The following CNTNAP5 variants were observed in gnomAD, a reference collection of about 807,000 sequenced individuals.
The protein encoded by CNTNAP5 is contactin associated protein family member 5.
A neutral mutation model predicts 150.2 loss-of-function variants in CNTNAP5; 72 were observed. The ratio of observed to expected loss-of-function variants is 0.48; its 90% confidence interval spans 0.40 to 0.58. CNTNAP5 has a LOEUF of 0.58. Among genes scored for constraint, CNTNAP5 ranks in the 20% least tolerant of loss-of-function variants. CNTNAP5 has a pLI of 0.00. For synonymous variants in CNTNAP5, 672 were observed against 619.8 expected (o/e 1.08, Z -1.25); for missense variants, 1,636 against 1,626.2 (o/e 1.01, Z -0.10).
chr2:124,682,622 TCG>T (rs1679093694), intron 13 of CNTNAP5, among the ~76,000 whole-genome samples: 1 of 152,202 alleles, frequency 6.6e-6, no homozygotes, highest in African/African-American at 2.4e-5. Context: ...GTAGTTTCTC[TCG>T]GGTAGACAAT....
rs1009105612 is a variant in CNTNAP5 at position 124,366,903 on chromosome 2, A to G, written c.382-50540A>G. ...GAGGTTCTCTTCTGCTGAGAGAGCA[A>G]TGTCCAGAGAGAGGCTCAGCAGAAG... is the stretch of plus-strand genomic sequence containing the variant. On this transcript the variant is annotated intron_variant, in intron 3 of 23. Coordinates refer to ENST00000682447, the MANE Select transcript of CNTNAP5 (RefSeq NM_001367498.1). Among the ~76,000 whole-genome samples the G allele has an allele frequency of 1.1e-4, 17 of 152,216 alleles. No individual in the cohort carries two copies. The South Asian group carries it at 1.9e-3, about 17-fold the overall frequency.
chr2:124,449,952 G>A (rs1193808024), intron 6 of CNTNAP5, among the ~76,000 whole-genome samples: 1 of 152,100 alleles, frequency 6.6e-6, no homozygotes, highest in Admixed American at 6.5e-5. Context: ...CTAACTGGCT[G>A]TGTAAACCTG....
chr2:124,805,463 T>G (rs1682062485), intron 19 of CNTNAP5, among the ~76,000 whole-genome samples: 1 of 152,174 alleles, frequency 6.6e-6, no homozygotes, highest in East Asian at 1.9e-4. Context: ...ACTCCCCACC[T>G]CAACCCCAAC....
intron 22 of CNTNAP5, among the ~76,000 whole-genome samples, chr2:124,904,349 C>A (rs925224131): frequency 6.6e-6 from 1 of 151,998 alleles, no homozygotes; most frequent in Non-Finnish European, 1.5e-5. Context: ...TGTGTATATG[C>A]CACAATATCT....
intron 2 of CNTNAP5, among the ~76,000 whole-genome samples, chr2:124,227,009 A>T (rs1448411845): frequency 3.3e-5 from 5 of 152,090 alleles, no homozygotes; most frequent in Non-Finnish European, 7.4e-5. Context: ...CTAATCAATC[A>T]TCTGTTACGG....
At chr2:124,245,926 T>C (rs917343374) in intron 3 of CNTNAP5, among the ~76,000 whole-genome samples, 76 of 151,898 alleles carry the variant, frequency 5.0e-4, no homozygotes, top group African/African-American at 1.8e-3. Flanking sequence ...AACTTTCTTC[T>C]TAGAGATGGG....
chr2:124,482,072 C>A (rs749169197), intron 7 of CNTNAP5, among the ~76,000 whole-genome samples: 2 of 152,196 alleles, frequency 1.3e-5, no homozygotes, highest in African/African-American at 2.4e-5. Context: ...GTTGAAACGA[C>A]CTCAGATGTG....
At chr2:124,481,499 A>G (rs902801172) in intron 7 of CNTNAP5, among the ~76,000 whole-genome samples, 1 of 152,214 alleles carries the variant, frequency 6.6e-6, no homozygotes, top group Non-Finnish European at 1.5e-5. Flanking sequence ...TGTTTTAAAA[A>G]TATTTCTATA....
intron 18 of CNTNAP5, among the ~76,000 whole-genome samples, chr2:124,791,966 T>C (rs1450833882): frequency 6.6e-6 from 1 of 152,130 alleles, no homozygotes; most frequent in Non-Finnish European, 1.5e-5. Flanking sequence ...AAGATGGCCT[T>C]TTTAGTCACA....
intron 19 of CNTNAP5, among the ~76,000 whole-genome samples, chr2:124,850,407 A>T (rs1288556686): frequency 7.2e-5 from 11 of 152,330 alleles, no homozygotes; most frequent in South Asian, 6.2e-4. Context: ...GAAGAGGGCC[A>T]TGTGACATGA....
chr2:124,050,741 CT>C (rs1211931151), intron 1 of CNTNAP5, among the ~76,000 whole-genome samples: 2 of 152,232 alleles, frequency 1.3e-5, no homozygotes, highest in African/African-American at 4.8e-5. Flanking sequence ...TAGCTTTGTA[CT>C]TTGATGAAGA....
intron 1 of CNTNAP5, among the ~76,000 whole-genome samples, chr2:124,139,664 G>C (rs886670598): frequency 6.6e-6 from 1 of 152,080 alleles, no homozygotes; most frequent in Non-Finnish European, 1.5e-5. Context: ...CCTTCCTTCG[G>C]TCTCTCATTA....
intron 19 of CNTNAP5, among the ~76,000 whole-genome samples, chr2:124,838,730 C>A (rs1682881728): frequency 6.6e-6 from 1 of 152,118 alleles, no homozygotes; most frequent in Admixed American, 6.6e-5. Context: ...GGTTTGCCAA[C>A]TGTAGCAAAT....
intron 13 of CNTNAP5, among the ~76,000 whole-genome samples, chr2:124,740,716 A>T (rs1307855251): frequency 6.6e-6 from 1 of 152,206 alleles, no homozygotes; most frequent in African/African-American, 2.4e-5. Context: ...CTATATAACC[A>T]GTTGCCAAAG....
chr2:124,425,281 C>T (rs1239335762), intron 4 of CNTNAP5, among the ~76,000 whole-genome samples: 1 of 152,174 alleles, frequency 6.6e-6, no homozygotes, highest in Non-Finnish European at 1.5e-5. Context: ...AACAGGTCAA[C>T]TACCGTAAGG....
intron 2 of CNTNAP5, among the ~76,000 whole-genome samples, chr2:124,240,368 G>A (rs994257203): frequency 6.6e-6 from 1 of 152,142 alleles, no homozygotes; most frequent in African/African-American, 2.4e-5. Context: ...AGTGGAGAAG[G>A]AGCACGCTAG....
At chr2:124,739,596 T>A (rs1406702776) in intron 13 of CNTNAP5, among the ~76,000 whole-genome samples, 3 of 152,194 alleles carry the variant, frequency 2.0e-5, no homozygotes, top group African/African-American at 7.2e-5. Context: ...CTGCAAGCAA[T>A]GAAATAAAGC....
chr2:124,195,277 C>T (rs943087713), intron 1 of CNTNAP5, among the ~76,000 whole-genome samples: 2 of 152,124 alleles, frequency 1.3e-5, no homozygotes, highest in African/African-American at 4.8e-5. Context: ...AGCGTGCATC[C>T]TGGAGAAATT....
chr2:124,741,749 T>C (rs983070950), intron 13 of CNTNAP5, among the ~76,000 whole-genome samples: 1 of 152,158 alleles, frequency 6.6e-6, no homozygotes, highest in Non-Finnish European at 1.5e-5. Context: ...TAGGAGTCTA[T>C]ATAGGCTGAA....
Sources: gnomAD v4.1 joint callset for allele counts (sites outside exome capture counted in the v4.1 genomes callset) on GRCh38, gnomAD v4.1.1 for gene constraint, MANE v1.5 for transcripts, NCBI Gene and HGNC (gene_info 2026-07-23, HGNC 2026-07-21) for gene names.